The following ST6GALNAC5 variants were observed in gnomAD, a reference collection of about 807,000 sequenced individuals.
ST6GALNAC5 encodes ST6 N-acetylgalactosaminide alpha-2,6-sialyltransferase 5, also known as alpha-N-acetylgalactosaminide alpha-2,6-sialyltransferase 5.
A neutral mutation model predicts 33.6 loss-of-function variants in ST6GALNAC5; 27 were observed. The ratio of observed to expected loss-of-function variants is 0.80; its 90% CI spans 0.59 to 1.11. ST6GALNAC5 has a LOEUF of 1.11. Among genes scored for constraint, ST6GALNAC5 ranks in the 50% least tolerant of loss-of-function variants. ST6GALNAC5 has a pLI of 0.00. For synonymous variants in ST6GALNAC5, 194 were observed against 171.2 expected, an observed-to-expected ratio of 1.13 and a Z score of -1.04; for missense variants, 428 against 454.0, an observed-to-expected ratio of 0.94 and a Z score of 0.52.
At chr1:77,003,344 G>A (rs1374835778) in intron 2 of ST6GALNAC5, among the ~76,000 whole-genome samples, 2 of 143,954 alleles carry the variant, frequency 1.4e-5, no homozygotes, top group African/African-American at 5.0e-5. Context: ...CTTTGGCTTG[G>A]TAGATCTTCC....
intron 2 of ST6GALNAC5, among the ~76,000 whole-genome samples, chr1:77,041,340 C>T (rs779753315): frequency 2.6e-5 from 4 of 152,170 alleles, no homozygotes; most frequent in Non-Finnish European, 5.9e-5. Context: ...TGGGGGCACC[C>T]TCAATGTGGA....
intron 2 of ST6GALNAC5, among the ~76,000 whole-genome samples, chr1:76,875,052 A>G (rs1005213859): frequency 3.9e-5 from 6 of 152,232 alleles, no homozygotes; most frequent in Admixed American, 6.5e-5. Context: ...AGGAAAAGGA[A>G]ACAAAATTAA....
At chr1:77,020,927 CGG>C (rs879594669) in intron 2 of ST6GALNAC5, among the ~76,000 whole-genome samples, 1 of 152,124 alleles carries the variant, frequency 6.6e-6, no homozygotes, top group Non-Finnish European at 1.5e-5. Flanking sequence ...TGTTGTTACC[CGG>C]GGTTCCGCAC....
rs986078943 is a variant in ST6GALNAC5, at chr1:76,867,550, G to A, written c.-126G>A. 28 of 1,518,108 alleles carry A rather than the reference G, an allele frequency of 1.8e-5. No homozygotes were observed. The highest frequency in any genetic ancestry group is 1.4e-5 in the African/African-American group (1 of 72,798). The allele number at this position is 1,518,108 out of a possible 1,614,324, so 94.0% of individuals were successfully genotyped here. A position where few individuals can be genotyped will look rare whatever the true frequency, so the allele number is the denominator to read the frequency against. On this transcript the variant is annotated 5_prime_UTR_variant, in exon 1 of 5. Coordinates refer to ENST00000477717, the MANE Select transcript of ST6GALNAC5 (RefSeq NM_030965.3). ...GTCCCGCGGCTCCCGCGCGCGATCT[G>A]CCGCGGCCGGCTGCTGGGCAAAAAT...
chr1:76,879,188 T>A (rs1557707373), intron 2 of ST6GALNAC5, among the ~76,000 whole-genome samples: 1 of 152,158 alleles, frequency 6.6e-6, no homozygotes, highest in African/African-American at 2.4e-5. Context: ...CACTCCACCA[T>A]CCCAATCTCC....
chr1:76,883,539 T>G (rs1045430155), intron 2 of ST6GALNAC5, among the ~76,000 whole-genome samples: 2 of 152,224 alleles, frequency 1.3e-5, no homozygotes, highest in African/African-American at 4.8e-5. Flanking sequence ...GACATACACA[T>G]CTTTAATTTC....
At position 77,044,586 on chromosome 1, in the gene ST6GALNAC5, T is replaced by A. The variant is rs747917732; in HGVS notation, c.644T>A (p.Leu215His). The change falls in exon 3 of 5, where the codon CTC becomes CAC. Residue 215 changes from leucine to histidine, a missense_variant. Physicochemically the swap from Leu to His is moderately conservative, Grantham distance 99. Coordinates refer to ENST00000477717, the MANE Select transcript of ST6GALNAC5 (RefSeq NM_030965.3). ...TRHKMLQFDE[L>H]FKQETGKDRK... Reference sequence around the variant, plus strand: ...CACAAGATGCTGCAGTTTGATGAGCTCTTCAAGCAGGAGACTGGCAAAGAC... The same window carrying A: ...CACAAGATGCTGCAGTTTGATGAGCACTTCAAGCAGGAGACTGGCAAAGAC... 3 of 1,566,984 alleles carry A rather than the reference T, an allele frequency of 1.9e-6. No homozygotes were observed. In the Admixed American group the frequency reaches 5.3e-5, roughly 28 times the overall value.
intron 2 of ST6GALNAC5, among the ~76,000 whole-genome samples, chr1:76,964,018 G>T (rs1648352799): frequency 6.6e-6 from 1 of 152,104 alleles, no homozygotes; most frequent in African/African-American, 2.4e-5. Context: ...AATGTGTGTG[G>T]TCTCTAGAAA....
At chr1:77,002,022 A>G (rs888397362) in intron 2 of ST6GALNAC5, among the ~76,000 whole-genome samples, 2 of 152,144 alleles carry the variant, frequency 1.3e-5, no homozygotes, top group Admixed American at 6.5e-5. Context: ...GTTAGGAAGG[A>G]TTCCCTCTTT....
At chr1:76,920,673 A>G (rs1353299075) in intron 2 of ST6GALNAC5, among the ~76,000 whole-genome samples, 1 of 152,148 alleles carries the variant, frequency 6.6e-6, no homozygotes, top group African/African-American at 2.4e-5. Flanking sequence ...ACCTTCTAAT[A>G]CTGGTCACAT....
chr1:76,868,857 G>T lies in ST6GALNAC5; in HGVS notation c.261+115G>T. On this transcript the variant is annotated intron_variant, in intron 2 of 4. Coordinates refer to ENST00000477717, the MANE Select transcript of ST6GALNAC5 (RefSeq NM_030965.3). The surrounding 1 kb of genome is among the most constrained non-coding windows in gnomAD (Gnocchi z 4.3). ...GTGAGTAGGTGCCGTTCGAAGGCTG[G>T]AGGGGAGTGGACCCGCTGGGGTAGG... 7.1e-7 allele frequency: 1 copy of T among 1,407,304 alleles called. No individual in the cohort carries two copies. Among genetic ancestry groups the T allele is most frequent in the Non-Finnish European group, 9.2e-7 (1 of 1,082,378 alleles). 87.2% of individuals were successfully genotyped at this position (1,407,304 alleles called of 1,614,324 possible).
At position 76,913,103 on chromosome 1, in the gene ST6GALNAC5, G is replaced by A. The variant is rs562722595; in HGVS notation, c.261+44361G>A. Among the ~76,000 whole-genome samples, 159 of 152,044 alleles carry A rather than the reference G, an allele frequency of 1.0e-3. 1 individual carries two copies. Among genetic ancestry groups the A allele is most frequent in the African/African-American group, 3.7e-3 (155 of 41,386 alleles). On this transcript the variant is annotated intron_variant, in intron 2 of 4. Transcript: ENST00000477717. ...AGTGCCTCCTTCAGGAGCTCTTTTA[G>A]GGCAGGCCTGGTGGTGACAAAATCT...
chr1:76,910,318 G>A (rs1646898516), intron 2 of ST6GALNAC5, among the ~76,000 whole-genome samples: 1 of 151,918 alleles, frequency 6.6e-6, no homozygotes, highest in Non-Finnish European at 1.5e-5. Flanking sequence ...CATGGAATTA[G>A]AAAACGCGGG....
intron 2 of ST6GALNAC5, among the ~76,000 whole-genome samples, chr1:76,909,353 A>G (rs1332700988): frequency 1.3e-5 from 2 of 152,024 alleles, no homozygotes; most frequent in Admixed American, 6.6e-5. Context: ...CAGTTTCTAC[A>G]TCTGTAAAAA....
At chr1:77,011,729 C>T (rs1036025390) in intron 2 of ST6GALNAC5, among the ~76,000 whole-genome samples, 3 of 151,520 alleles carry the variant, frequency 2.0e-5, no homozygotes, top group Non-Finnish European at 4.4e-5. Context: ...AATGATAATA[C>T]AGTAACTGCA....
chr1:76,876,929 A>G (rs1653654160), intron 2 of ST6GALNAC5, among the ~76,000 whole-genome samples: 1 of 152,182 alleles, frequency 6.6e-6, no homozygotes, highest in Admixed American at 6.5e-5. Context: ...AATGGAGACC[A>G]TGGGCATTTG....
chr1:76,928,750 C>A (rs1242831939), intron 2 of ST6GALNAC5, among the ~76,000 whole-genome samples: 1 of 152,110 alleles, frequency 6.6e-6, no homozygotes, highest in African/African-American at 2.4e-5. Flanking sequence ...CCTACTATCC[C>A]CACCCCTCTG....
chr1:77,000,735 T>G (rs954176886), intron 2 of ST6GALNAC5, among the ~76,000 whole-genome samples: 3 of 150,320 alleles, frequency 2.0e-5, no homozygotes, highest in South Asian at 2.1e-4. Context: ...CCAGCACCAT[T>G]TATTAAATAG....
intron 2 of ST6GALNAC5, among the ~76,000 whole-genome samples, chr1:76,921,736 A>G (rs972467366): frequency 1.3e-5 from 2 of 152,172 alleles, no homozygotes; most frequent in South Asian, 2.1e-4. Flanking sequence ...TCAATAAATC[A>G]TTAACAGAGT....
Sources: gnomAD v4.1 joint callset for allele counts (sites outside exome capture counted in the v4.1 genomes callset) on GRCh38, gnomAD v4.1.1 for gene constraint, Gnocchi (gnomAD v3.1) non-coding constraint, MANE v1.5 for transcripts, NCBI Gene and HGNC (gene_info 2026-07-23, HGNC 2026-07-21) for gene names.